The following KCNQ1 variants were observed in gnomAD, a reference collection of about 807,000 sequenced individuals.
KCNQ1 encodes the protein potassium voltage-gated channel subfamily KQT member 1.
Under a neutral mutation model 72.4 loss-of-function variants are expected in KCNQ1, and 49 were observed. That is an observed-to-expected ratio of 0.68 (90% confidence interval 0.54 to 0.86). KCNQ1 has a LOEUF of 0.86. Among genes scored for constraint, KCNQ1 ranks in the 40% least tolerant of loss-of-function variants. The pLI is 0.00. For synonymous variants in KCNQ1, 450 were observed against 412.6 expected (o/e 1.09, Z -1.10); for missense variants, 790 against 945.1 (o/e 0.84, Z 2.15).
At position 2,446,992 on chromosome 11, in the gene KCNQ1, C is replaced by G. The variant is rs963780300; in HGVS notation, c.386+1508C>G. 5.3e-5 allele frequency among the ~76,000 whole-genome samples: 8 copies of G among 152,206 alleles called. No individual in the cohort carries two copies. Among genetic ancestry groups the G allele is most frequent in the African/African-American group, 1.9e-4 (8 of 41,446 alleles). ...GGCCACCTGCCTCCCGGACCCCAGA[C>G]TCTCTGAGATGTCCAAGGGTGGGAA... is the stretch of plus-strand genomic sequence containing the variant. On this transcript the variant is annotated intron_variant, in intron 1 of 15. Coordinates refer to ENST00000155840, the MANE Select transcript of KCNQ1 (RefSeq NM_000218.3). This position sits in a 1 kb window ranked among gnomAD's most constrained non-coding sequence, Gnocchi z 8.8.
At chr11:2,587,800 A>G (rs1195991987) in intron 9 of KCNQ1, 108 bp downstream of exon 9, 1 of 1,475,322 alleles carries the variant, frequency 6.8e-7, no homozygotes, top group Non-Finnish European at 9.4e-7. Context: ...GGCTTGGTAC[A>G]GCCTGTGTCA....
intron 6 of KCNQ1, among the ~76,000 whole-genome samples, chr11:2,576,165 G>A (rs556725930): frequency 1.3e-5 from 2 of 152,336 alleles, no homozygotes; most frequent in South Asian, 2.1e-4. Flanking sequence ...GGGGGATGCA[G>A]TCCAGCCTAG....
chr11:2,606,044 T>C lies in KCNQ1; in HGVS notation c.1393+17190T>C, dbSNP rs541730546. 1.3e-4 allele frequency among the ~76,000 whole-genome samples: 20 copies of C among 152,354 alleles called. No homozygotes were observed. In the East Asian group the frequency reaches 3.7e-3, roughly 28 times the overall value. Reference sequence around the variant, plus strand: ...TTTTTTCTTTATTATGGTAAAAATATACATAAAATCTACTATTTTACTCAT... The same window carrying C: ...TTTTTTCTTTATTATGGTAAAAATACACATAAAATCTACTATTTTACTCAT... On this transcript the variant is annotated intron_variant, in intron 10 of 15. Coordinates refer to ENST00000155840, the MANE Select transcript of KCNQ1 (RefSeq NM_000218.3).
At position 2,735,382 on chromosome 11, in the gene KCNQ1, C is replaced by T. The variant is rs972774979; in HGVS notation, c.1515-33462C>T. ...GGCCATGGCCGCCCCCACCTCCCCT[C>T]CCGCAAGCTTCTCCCCTTCCTTCAG... On this transcript the variant is annotated intron_variant, in intron 11 of 15. Coordinates refer to ENST00000155840, the MANE Select transcript of KCNQ1 (RefSeq NM_000218.3). The surrounding 1 kb of genome is among the most constrained non-coding windows in gnomAD (Gnocchi z 7.7). Among the ~76,000 whole-genome samples the T allele has an allele frequency of 6.6e-6, 1 of 152,032 alleles. No homozygotes were observed. The highest frequency in any genetic ancestry group is 1.9e-4 in the East Asian group (1 of 5,130).
At chr11:2,589,041 C>T (rs894437382) in intron 10 of KCNQ1, among the ~76,000 whole-genome samples, 187 bp downstream of exon 10, 1 of 152,164 alleles carries the variant, frequency 6.6e-6, no homozygotes. Context: ...CAGAGTCTTC[C>T]CAAGGAGGAG....
intron 11 of KCNQ1, chr11:2,696,666 A>G (rs2133898505): frequency 2.5e-6 from 1 of 398,666 alleles, no homozygotes; most frequent in Non-Finnish European, 4.4e-6. Flanking sequence ...CGTCATTCTA[A>G]TGCCAAGTTG....
intron 11 of KCNQ1, among the ~76,000 whole-genome samples, chr11:2,733,818 TCTCA>T (rs1421075042): frequency 3.5e-4 from 8 of 22,574 alleles, no homozygotes; most frequent in South Asian, 1.6e-3. Flanking sequence ...ACACACACTC[TCTCA>T]CTCTCTCTCT....
At chr11:2,530,373 CATGGGGCGGGTCT>C (rs1355413932) in intron 2 of KCNQ1, among the ~76,000 whole-genome samples, 1 of 152,258 alleles carries the variant, frequency 6.6e-6, no homozygotes, top group Non-Finnish European at 1.5e-5. Context: ...CTGGTTCTGC[CATGGGGCGGGTCT>C]GTGGGGGGTC....
At position 2,617,543 on chromosome 11, in the gene KCNQ1, T is replaced by G. The variant is rs773668624; in HGVS notation, c.1393+28689T>G. The stretch of plus-strand genomic sequence containing the variant: ...GAATATAGGAGCGCAGATATCTTTA[T>G]GAGGTGGAGATTTCATTTTCTTTGG... On this transcript the variant is annotated intron_variant, in intron 10 of 15. Coordinates refer to ENST00000155840, the MANE Select transcript of KCNQ1 (RefSeq NM_000218.3). The surrounding 1 kb of genome is among the most constrained non-coding windows in gnomAD (Gnocchi z 4.6). 7.5e-6 allele frequency: 3 copies of G among 398,490 alleles called. No individual in the cohort carries two copies. Among genetic ancestry groups the G allele is most frequent in the Non-Finnish European group, 1.3e-5 (3 of 225,966 alleles). 24.7% of individuals were successfully genotyped at this position (398,490 alleles called of 1,614,324 possible).
At position 2,691,059 on chromosome 11, in the gene KCNQ1, A is replaced by C; in HGVS notation, c.1514+28978A>C. On this transcript the variant is annotated intron_variant, in intron 11 of 15. Transcript: ENST00000155840. This position sits in a 1 kb window ranked among gnomAD's most constrained non-coding sequence, Gnocchi z 6.4. Reference sequence around the variant, plus strand: ...TCAGGATATGCTGGGTGAGGGAAATAATGGAGGCACCTTTGTTCTAGATGC... The same window carrying C: ...TCAGGATATGCTGGGTGAGGGAAATCATGGAGGCACCTTTGTTCTAGATGC... The C allele has an allele frequency of 2.5e-6, 1 of 398,618 alleles. No individual in the cohort carries two copies. The highest frequency in any genetic ancestry group is 4.4e-6 in the Non-Finnish European group (1 of 226,068). The allele number at this position is 398,618 out of a possible 1,614,324, so 24.7% of individuals were successfully genotyped here.
intron 11 of KCNQ1, among the ~76,000 whole-genome samples, chr11:2,729,532 TCAAC>T (rs1845817534): frequency 1.3e-5 from 2 of 152,252 alleles, no homozygotes; most frequent in Admixed American, 1.3e-4. Context: ...ATCCATGGAT[TCAAC>T]CAACTGTGGA....
At position 2,537,096 on chromosome 11, in the gene KCNQ1, C is replaced by G. The variant is rs1564809946; in HGVS notation, c.477+9078C>G. Among the ~76,000 whole-genome samples the G allele has an allele frequency of 1.3e-5, 2 of 151,988 alleles. No individual in the cohort carries two copies. Among genetic ancestry groups the G allele is most frequent in the African/African-American group, 4.8e-5 (2 of 41,272 alleles). ...CAGGGACCCCATTTCCAAACAAGGTCTTACTCTGAGTACTGGGGATTAGGG... is the reference window on the plus strand; with the variant it reads ...CAGGGACCCCATTTCCAAACAAGGTGTTACTCTGAGTACTGGGGATTAGGG... On this transcript the variant is annotated intron_variant, in intron 2 of 15. Transcript: ENST00000155840. This position sits in a 1 kb window ranked among gnomAD's most constrained non-coding sequence, Gnocchi z 5.2.
chr11:2,647,777 C>T lies in KCNQ1; in HGVS notation c.1394-14184C>T. ...TTCCTCTAGGTTTTCTAATTGTTGACATATAGTTGTTCATAATGGTCTCTA... is the reference window on the plus strand; with the variant it reads ...TTCCTCTAGGTTTTCTAATTGTTGATATATAGTTGTTCATAATGGTCTCTA... On this transcript the variant is annotated intron_variant, in intron 10 of 15. Transcript: ENST00000155840. The surrounding 1 kb of genome is among the most constrained non-coding windows in gnomAD (Gnocchi z 4.0). 1 of 398,414 alleles carries T rather than the reference C, an allele frequency of 2.5e-6. No individual in the cohort carries two copies. The highest frequency in any genetic ancestry group is 4.4e-6 in the Non-Finnish European group (1 of 226,014). 24.7% of individuals were successfully genotyped at this position (398,414 alleles called of 1,614,324 possible). A position where few individuals can be genotyped will look rare whatever the true frequency, so the allele number is the denominator to read the frequency against.
At position 2,739,706 on chromosome 11, in the gene KCNQ1, C is replaced by T. The variant is rs952871250; in HGVS notation, c.1515-29138C>T. On this transcript the variant is annotated intron_variant, in intron 11 of 15. Transcript: ENST00000155840. The stretch of plus-strand genomic sequence containing the variant: ...CAGAGCTCCAGGAGCTGACATGCTC[C>T]GTCTTAAGGCAGGTCGGCTGCTCCG... Among the ~76,000 whole-genome samples, 7 of 152,198 alleles carry T rather than the reference C, an allele frequency of 4.6e-5. No homozygotes were observed. The South Asian group carries it at 8.3e-4, about 18-fold the overall frequency.
At chr11:2,587,796 G>A in intron 9 of KCNQ1, 104 bp downstream of exon 9, 1 of 1,503,628 alleles carries the variant, frequency 6.7e-7, no homozygotes, top group Non-Finnish European at 9.2e-7. Flanking sequence ...ATTTGGCTTG[G>A]TACAGCCTGT....
chr11:2,465,367 C>G (rs1232403902), intron 1 of KCNQ1, among the ~76,000 whole-genome samples: 1 of 152,154 alleles, frequency 6.6e-6, no homozygotes, highest in Non-Finnish European at 1.5e-5. Flanking sequence ...GTGCACTGTC[C>G]CCACAGCGGA....
rs952888223 is a variant in KCNQ1 at position 2,457,985 on chromosome 11, C to A, written c.386+12501C>A. 6.6e-6 allele frequency among the ~76,000 whole-genome samples: 1 copy of A among 152,074 alleles called. No homozygotes were observed. The highest frequency in any genetic ancestry group is 2.4e-5 in the African/African-American group (1 of 41,400). ...CTCAGCAGCTAAGAGCATCTCTAGA[C>A]CCCAGACTGTGGCCTCTAGGTACCA... is the stretch of plus-strand genomic sequence containing the variant. On this transcript the variant is annotated intron_variant, in intron 1 of 15. Transcript: ENST00000155840. This position sits in a 1 kb window ranked among gnomAD's most constrained non-coding sequence, Gnocchi z 5.0.
rs1847873609 is a variant in KCNQ1 at position 2,544,344 on chromosome 11, A to ATATATG, written c.477+16327_477+16328insATATGT. On this transcript the variant is annotated intron_variant, in intron 2 of 15. Coordinates refer to ENST00000155840, the MANE Select transcript of KCNQ1 (RefSeq NM_000218.3). The surrounding 1 kb of genome is among the most constrained non-coding windows in gnomAD (Gnocchi z 4.4). ...TCTATGTATATATATGTGTATGTAT[A>ATATATG]TGTATATATATGTGTATATATATGT... Among the ~76,000 whole-genome samples the ATATATG allele has an allele frequency of 6.9e-6, 1 of 145,930 alleles. No homozygotes were observed. Among genetic ancestry groups the ATATATG allele is most frequent in the Non-Finnish European group, 1.5e-5 (1 of 67,118 alleles).
chr11:2,805,737 G>A (rs1847357271), intron 15 of KCNQ1, among the ~76,000 whole-genome samples: 1 of 152,200 alleles, frequency 6.6e-6, no homozygotes, highest in African/African-American at 2.4e-5. Context: ...ATGCAGAAAT[G>A]AACCTAATTG....
Sources: allele counts gnomAD v4.1 joint callset (sites outside exome capture counted in the v4.1 genomes callset), GRCh38; gene constraint gnomAD v4.1.1; non-coding constraint Gnocchi (gnomAD v3.1); transcripts MANE v1.5; gene names NCBI Gene and HGNC (gene_info 2026-07-23, HGNC 2026-07-21).